SERPINB12: variants seen among roughly 807,000 people sequenced by gnomAD.
The protein encoded by SERPINB12 is serpin family B member 12, also known as serpin B12.
A neutral mutation model predicts 41.1 loss-of-function variants in SERPINB12; 57 were observed. That is an observed-to-expected ratio of 1.39 (90% CI 1.12 to 1.73). The LOEUF is 1.73. SERPINB12 is among the 40% of genes most tolerant of loss of function. SERPINB12 has a pLI of 0.00. For missense variants in SERPINB12, 536 were observed against 501.9 expected (o/e 1.07, Z -0.65); for synonymous variants, 180 against 181.3 (o/e 0.99, Z 0.06).
At chr18:63,556,592 CT>C (rs1381626872) in intron 2 of SERPINB12, among the ~76,000 whole-genome samples, 3 of 152,186 alleles carry the variant, frequency 2.0e-5, no homozygotes, top group African/African-American at 7.2e-5. Flanking sequence ...TCATCTCTAT[CT>C]TTATCTCTGT....
At chr18:63,523,058 GATGTTCCAGGGTC>G in the SERPINB12 span, among the ~76,000 whole-genome samples, 88 of 152,024 alleles carry the variant, frequency 5.8e-4, no homozygotes, top group Non-Finnish European at 7.4e-4. Flanking sequence ...AAAACTTTGA[GATGTTCCAGGGTC>G]CTCTGGAACA....
At chr18:63,557,211 C>G (rs1195439572) in intron 2 of SERPINB12, among the ~76,000 whole-genome samples, 7 of 152,060 alleles carry the variant, frequency 4.6e-5, no homozygotes, top group Non-Finnish European at 1.0e-4. Flanking sequence ...TGCTCTCGGT[C>G]CCTTTGCCTG....
At chr18:63,537,394 G>A (rs1229876200), upstream of SERPINB12, among the ~76,000 whole-genome samples, 1 of 152,144 alleles carries the variant, frequency 6.6e-6, no homozygotes. Flanking sequence ...GGTAAATTGA[G>A]TAAAGGAAAG....
rs569750177 is a variant in SERPINB12, at chr18:63,569,266, C to G, written c.*2255C>G. ...TAAATCAGTAAACATTCTTTACTAA[C>G]CTTTGATTTATTAAGAAGTTTCTTC... On this transcript the variant is annotated 3_prime_UTR_variant, in exon 8 of 8. Transcript: ENST00000382768. Among the ~76,000 whole-genome samples, 9 of 152,082 alleles carry G rather than the reference C, an allele frequency of 5.9e-5. No individual in the cohort carries two copies. The highest frequency in any genetic ancestry group is 2.2e-4 in the African/African-American group (9 of 41,482).
At chr18:63,538,432 G>A (rs1412741050), upstream of SERPINB12, among the ~76,000 whole-genome samples, 1 of 152,102 alleles carries the variant, frequency 6.6e-6, no homozygotes, top group East Asian at 1.9e-4. Flanking sequence ...ATGTAAATGA[G>A]ATTGTAAAAT....
rs999562285 is a variant in SERPINB12, at chr18:63,567,070, T to G, written c.*59T>G. On this transcript the variant is annotated 3_prime_UTR_variant, in exon 8 of 8. Transcript: ENST00000382768. ...GGAAAATATCAATACAATCTTCCCC[T>G]GGCATAAGATGGGCATTTGAGTTTT... is the stretch of plus-strand genomic sequence containing the variant. The G allele has an allele frequency of 1.4e-5, 20 of 1,475,572 alleles. No individual in the cohort carries two copies. Among genetic ancestry groups the G allele is most frequent in the Non-Finnish European group, 1.8e-5 (20 of 1,101,188 alleles). The allele number at this position is 1,475,572 out of a possible 1,614,324, so 91.4% of individuals were successfully genotyped here.
chr18:63,562,495 A>G (rs55997829), intron 5 of SERPINB12, among the ~76,000 whole-genome samples: 6,267 of 152,232 alleles, frequency 0.041, 440 homozygotes, highest in African/African-American at 0.14. Flanking sequence ...TGTCCTTGGT[A>G]CCAGAGTGAC....
At chr18:63,555,436 G>A (rs942899562) in intron 1 of SERPINB12, among the ~76,000 whole-genome samples, 2 of 152,184 alleles carry the variant, frequency 1.3e-5, no homozygotes, top group Non-Finnish European at 2.9e-5. Flanking sequence ...AAGAATGTTA[G>A]CCTTTGGCTT....
intron 7 of SERPINB12, among the ~76,000 whole-genome samples, chr18:63,566,291 A>T (rs946572561): frequency 2.0e-5 from 3 of 152,158 alleles, no homozygotes; most frequent in Non-Finnish European, 4.4e-5. Context: ...TCTCTCTTTT[A>T]TGGAAGAGGA....
upstream of SERPINB12, among the ~76,000 whole-genome samples, chr18:63,540,952 A>C (rs1910259464): frequency 2.0e-5 from 3 of 152,190 alleles, no homozygotes; most frequent in African/African-American, 7.2e-5. Flanking sequence ...GTGTAGAGAA[A>C]AGGAAATTGT....
rs758832996 is a variant in SERPINB12 at position 63,567,056 on chromosome 18, A to G, written c.*45A>G. The G allele has an allele frequency of 3.3e-5, 50 of 1,507,194 alleles. No homozygotes were observed. The highest frequency in any genetic ancestry group is 1.4e-5 in the Non-Finnish European group (16 of 1,126,426). 93.4% of individuals were successfully genotyped at this position (1,507,194 alleles called of 1,614,324 possible). ...ACTTTGGAGCTGGAGGAAAATATCA[A>G]TACAATCTTCCCCTGGCATAAGATG... On this transcript the variant is annotated 3_prime_UTR_variant, in exon 8 of 8. Transcript: ENST00000382768.
chr18:63,543,736 A>G (rs924400189), intron 1 of SERPINB12, among the ~76,000 whole-genome samples: 10 of 152,000 alleles, frequency 6.6e-5, no homozygotes, highest in African/African-American at 2.4e-4. Flanking sequence ...CAGGGATTAT[A>G]GCCTCCTGTA....
At chr18:63,550,728 C>G (rs1910503606) in intron 1 of SERPINB12, among the ~76,000 whole-genome samples, 1 of 152,136 alleles carries the variant, frequency 6.6e-6, no homozygotes, top group Admixed American at 6.5e-5. Context: ...ACTCTGGGTA[C>G]AATGGTGTCT....
At chr18:63,552,776 C>A (rs1319235889) in intron 1 of SERPINB12, among the ~76,000 whole-genome samples, 3 of 152,084 alleles carry the variant, frequency 2.0e-5, no homozygotes. Context: ...TAGGCAGTTT[C>A]TAATTTAAAA....
chr18:63,561,131 G>T lies in SERPINB12; in HGVS notation c.491G>T (p.Ser164Ile), dbSNP rs1351065309. ...VIQFYHTTIESVDFQKNPEKS... is the reference protein window; with the variant it reads ...VIQFYHTTIEIVDFQKNPEKS... ...CAATTTTACCACACGACGATTGAAA[G>T]TGTTGATTTCCAAAAAAACCCTGAA... The change falls in exon 5 of 8, where the codon AGT becomes ATT. Residue 164 changes from serine (S) to isoleucine (I), a missense_variant. Physicochemically the swap from Ser to Ile is moderately radical, Grantham distance 142. Transcript: ENST00000382768. The T allele has an allele frequency of 1.2e-6, 2 of 1,613,422 alleles. No homozygotes were observed. Among genetic ancestry groups the T allele is most frequent in the Non-Finnish European group, 1.7e-6 (2 of 1,179,412 alleles).
the SERPINB12 span, among the ~76,000 whole-genome samples, chr18:63,523,964 A>G: frequency 6.6e-6 from 1 of 152,336 alleles, no homozygotes; most frequent in African/African-American, 2.4e-5. Context: ...ACCTTGAGAA[A>G]TAAAATTGCC....
rs367909045 is a variant in SERPINB12 at position 63,561,122 on chromosome 18, C to T, written c.482C>T (p.Thr161Met). The change falls in exon 5 of 8, where the codon ACG becomes ATG. Residue 161 changes from threonine (T) to methionine (M), a missense_variant. Transcript: ENST00000382768. ...LDGVIQFYHT[T>M]IESVDFQKNP... ...GGTGTGATTCAATTTTACCACACGA[C>T]GATTGAAAGTGTTGATTTCCAAAAA... 79 of 1,612,122 alleles carry T rather than the reference C, an allele frequency of 4.9e-5. No homozygotes were observed. Among genetic ancestry groups the T allele is most frequent in the South Asian group, 2.1e-4 (19 of 90,960 alleles).
chr18:63,551,927 G>A (rs1490361368), intron 1 of SERPINB12, among the ~76,000 whole-genome samples: 2 of 152,180 alleles, frequency 1.3e-5, no homozygotes, highest in Admixed American at 6.5e-5. Context: ...ACCGCACAGA[G>A]AGGCAATCAC....
At chr18:63,565,714 C>A in intron 7 of SERPINB12, 102 bp downstream of exon 7, 1 of 885,636 alleles carries the variant, frequency 1.1e-6, no homozygotes, top group Non-Finnish European at 1.7e-6. Context: ...AGTACCTCAG[C>A]TGTCAGAGAC....
Sources: gnomAD v4.1 joint callset for allele counts (sites outside exome capture counted in the v4.1 genomes callset) on GRCh38, gnomAD v4.1.1 for gene constraint, MANE v1.5 for transcripts, NCBI Gene and HGNC (gene_info 2026-07-23, HGNC 2026-07-21) for gene names.